The following TTC7B variants were observed in gnomAD, a reference collection of about 807,000 sequenced individuals.
TTC7B encodes tetratricopeptide repeat protein 7B.
Under a neutral mutation model 106.8 loss-of-function variants are expected in TTC7B, and 28 were observed. That is an observed-to-expected ratio of 0.26 (90% CI 0.19 to 0.36). The LOEUF is 0.36. Ranked by LOEUF, TTC7B falls within the 10% of genes least tolerant of loss-of-function variation. The pLI is 1.00. For missense variants in TTC7B, 862 were observed against 1,076.4 expected (o/e 0.80, Z 2.79); for synonymous variants, 405 against 430.6 (o/e 0.94, Z 0.74).
intron 6 of TTC7B, among the ~76,000 whole-genome samples, chr14:90,690,915 G>C (rs1887444033): frequency 6.6e-6 from 1 of 152,134 alleles, no homozygotes. Flanking sequence ...AAATTTTCTT[G>C]ATTATTCCCA....
intron 17 of TTC7B, among the ~76,000 whole-genome samples, chr14:90,605,962 T>G (rs1330036034): frequency 6.6e-6 from 1 of 152,218 alleles, no homozygotes; most frequent in African/African-American, 2.4e-5. Context: ...GTTATTTAGT[T>G]GGTCCGCAAC....
rs1019511766 is a variant in TTC7B, at chr14:90,624,919, G to A, written c.1752-6874C>T. On this transcript the variant is annotated intron_variant, in intron 15 of 19. Transcript: ENST00000328459. The surrounding 1 kb of genome is among the most constrained non-coding windows in gnomAD (Gnocchi z 4.0). ...TTTCTTTGTTTATCTACTGAATGCAGGCAGGAATGCAAAATGGCTGTGCAG... is the reference window on the plus strand; with the variant it reads ...TTTCTTTGTTTATCTACTGAATGCAAGCAGGAATGCAAAATGGCTGTGCAG... 2.0e-5 allele frequency among the ~76,000 whole-genome samples: 3 copies of A among 152,312 alleles called. No homozygotes were observed. The highest frequency in any genetic ancestry group is 2.1e-4 in the South Asian group (1 of 4,832).
chr14:90,587,473 T>A (rs1464390606), intron 18 of TTC7B, among the ~76,000 whole-genome samples: 1 of 152,164 alleles, frequency 6.6e-6, no homozygotes. Flanking sequence ...CCCCAGGTCT[T>A]CCCACATGCT....
chr14:90,653,011 G>A, intron 12 of TTC7B, 113 bp from the exon 13 acceptor site: 2 of 1,073,580 alleles, frequency 1.9e-6, no homozygotes, highest in South Asian at 2.6e-5. Context: ...CAATGTCTGA[G>A]TGCCTACGTG....
At chr14:90,763,859 C>A (rs983968277) in intron 3 of TTC7B, among the ~76,000 whole-genome samples, 1 of 152,120 alleles carries the variant, frequency 6.6e-6, no homozygotes, top group Admixed American at 6.5e-5. Flanking sequence ...GAAGATATCC[C>A]ATGTTCATGG....
At chr14:90,571,280 A>AGTGT (rs1280056098) in intron 19 of TTC7B, among the ~76,000 whole-genome samples, 1 of 152,248 alleles carries the variant, frequency 6.6e-6, no homozygotes, top group African/African-American at 2.4e-5. Flanking sequence ...GCTATCGAAG[A>AGTGT]GTGTGTGTCA....
At chr14:90,662,197 C>T (rs1029290126) in intron 9 of TTC7B, among the ~76,000 whole-genome samples, 9 of 152,230 alleles carry the variant, frequency 5.9e-5, no homozygotes, top group Non-Finnish European at 1.2e-4. Flanking sequence ...ACGCGTGGCA[C>T]GCAGACAGCC....
At chr14:90,701,796 G>GTATA (rs138397501) in intron 5 of TTC7B, among the ~76,000 whole-genome samples, 1,654 of 118,884 alleles carry the variant, frequency 0.014, 23 homozygotes, top group East Asian at 0.034. Context: ...GTGTGTGTGT[G>GTATA]TATATATATA....
chr14:90,559,228 G>A (rs1890465327), intron 19 of TTC7B, among the ~76,000 whole-genome samples: 1 of 152,258 alleles, frequency 6.6e-6, no homozygotes, highest in South Asian at 2.1e-4. Flanking sequence ...AGTCTCCTCA[G>A]AAGCCAGAAG....
intron 13 of TTC7B, among the ~76,000 whole-genome samples, chr14:90,651,624 C>T (rs1047211680): frequency 1.3e-5 from 2 of 152,224 alleles, no homozygotes; most frequent in Non-Finnish European, 2.9e-5. Context: ...AATGGAAATG[C>T]TTTCCACACT....
intron 17 of TTC7B, chr14:90,605,560 G>C: frequency 1.6e-6 from 2 of 1,234,456 alleles, no homozygotes; most frequent in South Asian, 2.8e-5. Context: ...ACACGCAAAT[G>C]AAGTAGGTCT....
intron 12 of TTC7B, among the ~76,000 whole-genome samples, chr14:90,653,191 T>C (rs932082826): frequency 1.3e-5 from 2 of 152,152 alleles, no homozygotes; most frequent in Non-Finnish European, 2.9e-5. Context: ...AAAAGACCAG[T>C]TGGGAACTCC....
At chr14:90,640,248 G>A (rs1885115185) in intron 15 of TTC7B, among the ~76,000 whole-genome samples, 1 of 151,784 alleles carries the variant, frequency 6.6e-6, no homozygotes, top group Admixed American at 6.6e-5. Context: ...CTCCAGCCTG[G>A]GTGACAGAGT....
chr14:90,703,576 T>C (rs1263980970), intron 5 of TTC7B, among the ~76,000 whole-genome samples: 1 of 151,992 alleles, frequency 6.6e-6, no homozygotes, highest in Non-Finnish European at 1.5e-5. Flanking sequence ...AGGGGATCAT[T>C]TGAAAGAAAG....
chr14:90,556,247 C>T (rs955941697), intron 19 of TTC7B, among the ~76,000 whole-genome samples: 2 of 152,278 alleles, frequency 1.3e-5, no homozygotes, highest in Middle Eastern at 3.4e-3. Context: ...GGATGCCAGG[C>T]ATCCCCCCTA....
In TTC7B at chr14:90,526,302, G is replaced by A. The variant is rs1270495403; in HGVS notation, c.*15066C>T. 6.6e-6 allele frequency: 1 copy of A among 152,126 alleles called. No individual in the cohort carries two copies. Among genetic ancestry groups the A allele is most frequent in the Non-Finnish European group, 1.5e-5 (1 of 68,042 alleles). 9.4% of individuals were successfully genotyped at this position (152,126 alleles called of 1,614,324 possible). A position where few individuals can be genotyped will look rare whatever the true frequency, so the allele number is the denominator to read the frequency against. On this transcript the variant is annotated 3_prime_UTR_variant, in exon 20 of 20. Transcript: ENST00000328459. ...AATGATGTTGAACATTTCTTCATGT[G>A]CTTGTTGGCCTAGACCTTACTTTAA... is the stretch of plus-strand genomic sequence containing the variant.
chr14:90,731,735 A>T (rs1391025454), intron 4 of TTC7B, among the ~76,000 whole-genome samples: 1 of 151,954 alleles, frequency 6.6e-6, no homozygotes, highest in Non-Finnish European at 1.5e-5. Flanking sequence ...TCGGAGCCAC[A>T]CTCCTTTCTC....
chr14:90,696,119 C>T (rs190786584), intron 5 of TTC7B, among the ~76,000 whole-genome samples: 6 of 152,232 alleles, frequency 3.9e-5, no homozygotes, highest in Admixed American at 1.3e-4. Flanking sequence ...CCCACACTGA[C>T]GAAAAAGAAG....
intron 1 of TTC7B, among the ~76,000 whole-genome samples, chr14:90,786,657 G>GC (rs1370271102): frequency 1.3e-5 from 2 of 151,832 alleles, no homozygotes; most frequent in East Asian, 3.9e-4. Flanking sequence ...TCGGCTCACC[G>GC]CAACCTCCAC....
Sources: allele counts gnomAD v4.1 joint callset (sites outside exome capture counted in the v4.1 genomes callset), GRCh38; gene constraint gnomAD v4.1.1; non-coding constraint Gnocchi (gnomAD v3.1); transcripts MANE v1.5; gene names NCBI Gene and HGNC (gene_info 2026-07-23, HGNC 2026-07-21).